Variants in CUEDC1 observed in about 807,000 individuals in gnomAD.
The protein encoded by CUEDC1 is CUE domain containing 1.
CUEDC1 carries 30 observed loss-of-function variants against 43.7 expected under a neutral mutation model. The ratio of observed to expected loss-of-function variants is 0.69; its 90% CI spans 0.51 to 0.93. The LOEUF (loss-of-function observed/expected upper bound fraction) is 0.93. Ranked by LOEUF, CUEDC1 falls within the 40% of genes least tolerant of loss-of-function variation. The pLI is 0.00. For synonymous variants in CUEDC1, 223 were observed against 223.6 expected (o/e 1.00, Z 0.02); for missense variants, 486 against 549.0 (o/e 0.89, Z 1.15).
Position 57,885,342 on chromosome 17 carries a change from C to T in CUEDC1, c.223G>A (p.Gly75Ser). ...TGGTCGATGGTGGCGTCCACAGCGC[C>T]GCTGTTGGCGCGCAGCACGCATTCG... ...IIECVLRANS[G>S]AVDATIDQLL... The change falls in exon 2 of 11, where the codon GGC (glycine) becomes AGC (serine). Residue 75 changes from glycine to serine, a missense_variant. By Grantham distance (56) the Gly-to-Ser change is moderately conservative. Transcript: ENST00000577830. The T allele has an allele frequency of 1.2e-6, 2 of 1,612,020 alleles. No individual in the cohort carries two copies. The highest frequency in any genetic ancestry group is 1.7e-6 in the Non-Finnish European group (2 of 1,179,674).
chr17:57,877,619 G>T (rs1246911664), intron 3 of CUEDC1, among the ~76,000 whole-genome samples: 3 of 151,486 alleles, frequency 2.0e-5, no homozygotes, highest in African/African-American at 7.3e-5. Flanking sequence ...AGGCCCGGTG[G>T]CTTATATCTG....
rs1011612719 is a variant in CUEDC1 at position 57,873,913 on chromosome 17, C to T, written c.465-196G>A. ...CCACCAGCCTCAGCGAACTCCCCAG[C>T]CATTCATGCTCTCCAGTCACTCAGT... is the stretch of plus-strand genomic sequence containing the variant. On this transcript the variant is annotated intron_variant, in intron 3 of 10. Coordinates refer to ENST00000577830, the MANE Select transcript of CUEDC1 (RefSeq NM_001271875.2). Among the ~76,000 whole-genome samples the T allele has an allele frequency of 9.2e-5, 14 of 152,340 alleles. 1 individual carries two copies. The highest frequency in any genetic ancestry group is 8.5e-4 in the Admixed American group (13 of 15,302).
intron 1 of CUEDC1, among the ~76,000 whole-genome samples, chr17:57,918,997 G>A (rs1349568972): frequency 1.3e-5 from 2 of 151,790 alleles, no homozygotes; most frequent in African/African-American, 4.8e-5. Context: ...GGGATTACAG[G>A]CGCCTGCCAC....
intron 1 of CUEDC1, among the ~76,000 whole-genome samples, chr17:57,889,770 T>G (rs966725451): frequency 3.3e-5 from 5 of 152,160 alleles, no homozygotes; most frequent in African/African-American, 1.2e-4. Flanking sequence ...CAGGACTCTA[T>G]AAGGTCTCAG....
intron 1 of CUEDC1, among the ~76,000 whole-genome samples, chr17:57,939,504 T>C (rs2074895874): frequency 6.6e-6 from 1 of 151,670 alleles, no homozygotes; most frequent in African/African-American, 2.4e-5. Context: ...GGTCTCGAAC[T>C]CCTGACCTCA....
intron 1 of CUEDC1, among the ~76,000 whole-genome samples, chr17:57,942,690 A>T (rs1221410599): frequency 2.6e-5 from 4 of 151,142 alleles, no homozygotes; most frequent in Non-Finnish European, 5.9e-5. Context: ...CACCCGGCCA[A>T]ATTGTCTAGT....
intron 2 of CUEDC1, among the ~76,000 whole-genome samples, chr17:57,882,495 G>C (rs1273305575): frequency 2.0e-5 from 3 of 152,192 alleles, no homozygotes; most frequent in Non-Finnish European, 4.4e-5. Context: ...CTGCCAGACT[G>C]TCAGGGCAAA....
intron 1 of CUEDC1, among the ~76,000 whole-genome samples, chr17:57,947,849 C>A (rs2074973017): frequency 6.6e-6 from 1 of 151,920 alleles, no homozygotes; most frequent in African/African-American, 2.4e-5. Context: ...GTGCTTGGAA[C>A]AATACAAAAG....
intron 1 of CUEDC1, among the ~76,000 whole-genome samples, chr17:57,935,953 G>A (rs951945492): frequency 1.3e-5 from 2 of 152,206 alleles, no homozygotes; most frequent in African/African-American, 4.8e-5. Flanking sequence ...GACCAGCCCT[G>A]TCCACACCCA....
rs1000922923 is a variant in CUEDC1 at position 57,930,284 on chromosome 17, C to T, written c.-316+24941G>A. ...AACTGCACAAGCAGACCAGAGCCAA[C>T]GAGGCTGATGCTGTGAACTCCACCT... On this transcript the variant is annotated intron_variant, in intron 1 of 10. Coordinates refer to ENST00000577830, the MANE Select transcript of CUEDC1 (RefSeq NM_001271875.2). The surrounding 1 kb of genome is among the most constrained non-coding windows in gnomAD (Gnocchi z 4.2). 4.6e-5 allele frequency among the ~76,000 whole-genome samples: 7 copies of T among 152,196 alleles called. No individual in the cohort carries two copies. Among genetic ancestry groups the T allele is most frequent in the Non-Finnish European group, 8.8e-5 (6 of 68,034 alleles).
chr17:57,934,757 G>A (rs2074844194), intron 1 of CUEDC1, among the ~76,000 whole-genome samples: 1 of 152,232 alleles, frequency 6.6e-6, no homozygotes. Context: ...GCCCAGGCTG[G>A]CATGCAGTGG....
chr17:57,943,009 C>T (rs1325916972), intron 1 of CUEDC1, among the ~76,000 whole-genome samples: 2 of 150,078 alleles, frequency 1.3e-5, no homozygotes, highest in African/African-American at 2.4e-5. Context: ...GCCTGGGTGA[C>T]GGAGTGAGAC....
At chr17:57,865,823 C>CTT (rs35170290) in intron 10 of CUEDC1, among the ~76,000 whole-genome samples, 114 of 134,678 alleles carry the variant, frequency 8.5e-4, no homozygotes, top group South Asian at 1.9e-3. Flanking sequence ...TTTTCTTTTT[C>CTT]TTTTTTTTTT....
intron 2 of CUEDC1, among the ~76,000 whole-genome samples, chr17:57,880,631 G>A (rs555244634): frequency 6.6e-6 from 1 of 152,272 alleles, no homozygotes; most frequent in African/African-American, 2.4e-5. Flanking sequence ...CAGAAGCCCA[G>A]AGAGGAGTTT....
intron 1 of CUEDC1, among the ~76,000 whole-genome samples, chr17:57,889,481 C>T (rs2074333184): frequency 6.6e-6 from 1 of 152,206 alleles, no homozygotes; most frequent in Admixed American, 6.5e-5. Context: ...CCATTTGGCC[C>T]AAGTGCAAAG....
At chr17:57,953,057 C>T (rs1158796042) in intron 1 of CUEDC1, among the ~76,000 whole-genome samples, 1 of 152,154 alleles carries the variant, frequency 6.6e-6, no homozygotes, top group Non-Finnish European at 1.5e-5. Flanking sequence ...GAACCGACAA[C>T]ACCCAGATCA....
intron 3 of CUEDC1, among the ~76,000 whole-genome samples, chr17:57,878,399 A>G (rs2074156577): frequency 6.6e-6 from 1 of 152,152 alleles, no homozygotes; most frequent in Admixed American, 6.6e-5. Context: ...TGCTAGCTAC[A>G]CTTGTATGAT....
At chr17:57,895,067 T>TTATA (rs2074394546) in intron 1 of CUEDC1, among the ~76,000 whole-genome samples, 1 of 152,254 alleles carries the variant, frequency 6.6e-6, no homozygotes, top group South Asian at 2.1e-4. Flanking sequence ...TATTGCCTGC[T>TTATA]TCCTTATATG....
At chr17:57,863,779 C>T (rs1169974230) in intron 10 of CUEDC1, among the ~76,000 whole-genome samples, 4 of 151,938 alleles carry the variant, frequency 2.6e-5, no homozygotes, top group Non-Finnish European at 5.9e-5. Context: ...GAGGCTGAGG[C>T]GGGCCGAGGT....
Sources: allele counts gnomAD v4.1 joint callset (sites outside exome capture counted in the v4.1 genomes callset), GRCh38; gene constraint gnomAD v4.1.1; non-coding constraint Gnocchi (gnomAD v3.1); transcripts MANE v1.5; gene names NCBI Gene and HGNC (gene_info 2026-07-23, HGNC 2026-07-21).